NELL1: variants seen among roughly 807,000 people sequenced by gnomAD.
The protein encoded by NELL1 is protein kinase C-binding protein NELL1.
Under a neutral mutation model 107.4 loss-of-function variants are expected in NELL1, and 76 were observed. The ratio of observed to expected loss-of-function variants is 0.71; its 90% CI spans 0.59 to 0.86. The LOEUF is 0.86. Ranked by LOEUF, NELL1 falls within the 40% of genes least tolerant of loss-of-function variation. The pLI is 0.00. For synonymous variants in NELL1, 353 were observed against 341.2 expected (o/e 1.03, Z -0.38); for missense variants, 1,024 against 1,005.5 (o/e 1.02, Z -0.25).
At chr11:20,890,880 T>C (rs1167417811) in intron 5 of NELL1, among the ~76,000 whole-genome samples, 3 of 151,892 alleles carry the variant, frequency 2.0e-5, no homozygotes, top group East Asian at 3.9e-4. Context: ...GAACCTACCA[T>C]TGACTGGAGT....
At chr11:20,937,194 C>T (rs1850744407) in intron 9 of NELL1, among the ~76,000 whole-genome samples, 1 of 152,216 alleles carries the variant, frequency 6.6e-6, no homozygotes, top group South Asian at 2.1e-4. Context: ...TACAAGTTCA[C>T]CCCCGCTGCC....
intron 12 of NELL1, among the ~76,000 whole-genome samples, chr11:21,033,659 A>C (rs1853017224): frequency 6.6e-6 from 1 of 152,058 alleles, no homozygotes; most frequent in African/African-American, 2.4e-5. Flanking sequence ...ATTTTGGTTG[A>C]TTCCATGTCT....
At chr11:21,347,611 AAAC>A (rs1277855756) in intron 14 of NELL1, among the ~76,000 whole-genome samples, 2 of 152,156 alleles carry the variant, frequency 1.3e-5, no homozygotes, top group African/African-American at 2.4e-5. Flanking sequence ...TAAAACAAAC[AAAC>A]AACAACAACA....
chr11:20,856,349 A>T (rs938077258), intron 4 of NELL1, among the ~76,000 whole-genome samples: 1 of 152,144 alleles, frequency 6.6e-6, no homozygotes, highest in Non-Finnish European at 1.5e-5. Context: ...TCTTCTCTTT[A>T]AAGGGCTTGT....
intron 15 of NELL1, among the ~76,000 whole-genome samples, chr11:21,502,282 G>C (rs1182924726): frequency 6.6e-6 from 1 of 152,178 alleles, no homozygotes; most frequent in Non-Finnish European, 1.5e-5. Context: ...ACTGGTTTAT[G>C]TGGGAAAACT....
chr11:21,552,677 G>C (rs953204227), intron 16 of NELL1, among the ~76,000 whole-genome samples: 8 of 151,680 alleles, frequency 5.3e-5, no homozygotes, highest in Admixed American at 3.3e-4. Context: ...TACCGAACCA[G>C]TTGTTTGTTT....
intron 12 of NELL1, among the ~76,000 whole-genome samples, chr11:21,100,998 C>T (rs1361378836): frequency 7.0e-6 from 1 of 142,156 alleles, no homozygotes; most frequent in African/African-American, 2.7e-5. Flanking sequence ...ACTCCCCCAA[C>T]CCCACAGCAG....
chr11:20,809,715 G>T (rs559644442), intron 3 of NELL1, among the ~76,000 whole-genome samples: 2 of 152,044 alleles, frequency 1.3e-5, no homozygotes, highest in Admixed American at 1.3e-4. Flanking sequence ...TTTTTTTATG[G>T]TTGAATACTA....
intron 15 of NELL1, among the ~76,000 whole-genome samples, chr11:21,519,646 G>A (rs1438919448): frequency 6.6e-6 from 1 of 151,904 alleles, no homozygotes; most frequent in East Asian, 1.9e-4. Flanking sequence ...GTATCACTCA[G>A]GGTAGAGCAG....
At chr11:21,082,559 C>T (rs372531364) in intron 12 of NELL1, among the ~76,000 whole-genome samples, 1 of 152,120 alleles carries the variant, frequency 6.6e-6, no homozygotes, top group Non-Finnish European at 1.5e-5. Context: ...TAAAATACAG[C>T]CCAAATCCAG....
chr11:21,388,310 T>C (rs1471238235), intron 15 of NELL1, among the ~76,000 whole-genome samples: 3 of 151,496 alleles, frequency 2.0e-5, no homozygotes, highest in Non-Finnish European at 4.4e-5. Flanking sequence ...GATCAAGTTA[T>C]ATAACTTCTC....
intron 3 of NELL1, among the ~76,000 whole-genome samples, chr11:20,837,466 G>A (rs1184906053): frequency 1.3e-5 from 2 of 152,094 alleles, no homozygotes; most frequent in Admixed American, 1.3e-4. Context: ...GGCTGAGAGA[G>A]CTCAGAAGCA....
At chr11:21,462,219 A>G (rs2133873647) in intron 15 of NELL1, among the ~76,000 whole-genome samples, 1 of 152,244 alleles carries the variant, frequency 6.6e-6, no homozygotes, top group South Asian at 2.1e-4. Flanking sequence ...AGAGCATACT[A>G]GGCCAAATAA....
intron 12 of NELL1, among the ~76,000 whole-genome samples, chr11:21,030,209 C>T (rs1852919026): frequency 6.6e-6 from 1 of 152,100 alleles, no homozygotes; most frequent in Admixed American, 6.6e-5. Flanking sequence ...TGTTACTGGC[C>T]TTGCATGTCG....
At chr11:21,145,644 T>G (rs1614424) in intron 13 of NELL1, among the ~76,000 whole-genome samples, 38,961 of 152,022 alleles carry the variant, frequency 0.26, 5,287 homozygotes, top group Middle Eastern at 0.35. Context: ...CTTGATCTCT[T>G]CCACATGTCT....
At chr11:21,332,067 G>T (rs1850284221) in intron 14 of NELL1, among the ~76,000 whole-genome samples, 1 of 151,926 alleles carries the variant, frequency 6.6e-6, no homozygotes, top group African/African-American at 2.4e-5. Flanking sequence ...TCTTTCTGAG[G>T]TCTCTATTGA....
At chr11:21,403,980 C>T (rs997606425) in intron 15 of NELL1, among the ~76,000 whole-genome samples, 7 of 140,178 alleles carry the variant, frequency 5.0e-5, no homozygotes, top group East Asian at 4.3e-4. Context: ...ATCAATGTGG[C>T]GGAAAATATC....
At chr11:20,675,736 C>T (rs1191502004) in intron 1 of NELL1, among the ~76,000 whole-genome samples, 1 of 151,756 alleles carries the variant, frequency 6.6e-6, no homozygotes, top group Non-Finnish European at 1.5e-5. Flanking sequence ...TGATCTGGCC[C>T]TTCTCTCTCT....
chr11:20,973,076 T>G (rs1041397460), intron 12 of NELL1, among the ~76,000 whole-genome samples: 1 of 150,734 alleles, frequency 6.6e-6, no homozygotes, highest in Non-Finnish European at 1.5e-5. Context: ...CTTATTAGAG[T>G]GCCTATCAAA....
Sources: gnomAD v4.1 joint callset for allele counts (sites outside exome capture counted in the v4.1 genomes callset) on GRCh38, gnomAD v4.1.1 for gene constraint, MANE v1.5 for transcripts, NCBI Gene and HGNC (gene_info 2026-07-23, HGNC 2026-07-21) for gene names.